The following DNAH8 variants were observed in gnomAD, a reference collection of about 807,000 sequenced individuals.
DNAH8 encodes the protein dynein axonemal heavy chain 8.
In DNAH8, 382 loss-of-function variants were observed where a neutral mutation model predicts 562.1. That is an observed-to-expected ratio of 0.68 (90% CI 0.63 to 0.74). The LOEUF (loss-of-function observed/expected upper bound fraction) is 0.74, where lower values mean the gene tolerates loss of function less well. Ranked by LOEUF, DNAH8 falls within the 30% of genes least tolerant of loss-of-function variation. The pLI is 0.00. For synonymous variants in DNAH8, 1,881 were observed against 1,919.4 expected (o/e 0.98, Z 0.52); for missense variants, 5,203 against 5,620.4 (o/e 0.93, Z 2.37).
chr6:38,972,493 A>G (rs1763412484), intron 83 of DNAH8, among the ~76,000 whole-genome samples: 1 of 152,228 alleles, frequency 6.6e-6, no homozygotes. Flanking sequence ...GCAATTATAC[A>G]TAATTATTTT....
chr6:38,898,138 C>A, intron 60 of DNAH8, 120 bp from the exon 61 acceptor site: 1 of 906,094 alleles, frequency 1.1e-6, no homozygotes, highest in Non-Finnish European at 1.6e-6. Flanking sequence ...TCTGGAAATC[C>A]ATAACGTTTA....
chr6:38,744,936 G>A (rs1425138151), intron 8 of DNAH8, among the ~76,000 whole-genome samples: 1 of 152,060 alleles, frequency 6.6e-6, no homozygotes, highest in Non-Finnish European at 1.5e-5. Flanking sequence ...TTAATCACTC[G>A]TTATATTTGT....
Position 38,906,338 on chromosome 6 carries a change from C to A in DNAH8, c.9279C>A (p.Ile3093=), listed in dbSNP as rs775107491. The change falls in exon 63 of 93, where the codon ATC becomes ATA. Residue 3093 remains isoleucine (I), a synonymous_variant. Transcript: ENST00000327475. The stretch of plus-strand genomic sequence containing the variant: ...CTGATGGAAAAGGCATCACTTTCAT[C>A]TTTACTGACAGTGAAATAAAAGATG... ...AGADGKGITF[I]FTDSEIKDEA... The A allele has an allele frequency of 3.1e-6, 5 of 1,610,102 alleles. No homozygotes were observed. In the South Asian group the frequency reaches 5.5e-5, roughly 18 times the overall value.
At chr6:38,718,076 T>A (rs1397987213) in intron 1 of DNAH8, among the ~76,000 whole-genome samples, 1 of 152,200 alleles carries the variant, frequency 6.6e-6, no homozygotes, top group Non-Finnish European at 1.5e-5. Context: ...ATTCTTTGTA[T>A]CGCTAATGAT....
At chr6:38,919,823 C>A (rs777139453) in intron 70 of DNAH8, among the ~76,000 whole-genome samples, 8 of 152,164 alleles carry the variant, frequency 5.3e-5, no homozygotes, top group Non-Finnish European at 8.8e-5. Flanking sequence ...ACATTCTTAG[C>A]CCTTACATAC....
rs146019920 is a variant in DNAH8, at chr6:38,921,130, C to A, written c.10525-239C>A. Among the ~76,000 whole-genome samples, 278 of 152,214 alleles carry A rather than the reference C, an allele frequency of 1.8e-3. 2 individuals are homozygous for A. Among genetic ancestry groups the A allele is most frequent in the African/African-American group, 6.2e-3 (258 of 41,530 alleles). On this transcript the variant is annotated intron_variant, in intron 70 of 92. Coordinates refer to ENST00000327475, the MANE Select transcript of DNAH8 (RefSeq NM_001206927.2). ...TGGTCTTGAACTGGGCTCAAGTGAT[C>A]CTCAGCCTCTCAAAGTTCTGGGATT...
rs1400597610 is a variant in DNAH8, at chr6:38,873,117, C to T, written c.7449C>T (p.Ser2483=). ...GGATGGGCATGGTCTATATCAGCAG[C>T]TCTGCTCTCAGCTGGAGGCCAATCT... ...VSRMGMVYIS[S]SALSWRPILQ... The change falls in exon 51 of 93, where the codon AGC becomes AGT. Residue 2483 remains serine, a synonymous_variant. Transcript: ENST00000327475. 5.0e-6 allele frequency: 8 copies of T among 1,613,640 alleles called. No homozygotes were observed. The Admixed American group carries it at 1.3e-4, about 27-fold the overall frequency.
chr6:38,864,214 G>C (rs1776867810), intron 45 of DNAH8, among the ~76,000 whole-genome samples, 154 bp downstream of exon 45: 1 of 151,352 alleles, frequency 6.6e-6, no homozygotes, highest in Admixed American at 6.6e-5. Context: ...TTATAACCCA[G>C]ACAGAAGATA....
chr6:38,861,575 T>G (rs1362118056), intron 43 of DNAH8, among the ~76,000 whole-genome samples: 1 of 152,216 alleles, frequency 6.6e-6, no homozygotes, highest in Non-Finnish European at 1.5e-5. Context: ...TTTTTTGTTT[T>G]GAGACAGAGT....
chr6:38,799,268 T>C (rs1770566292), intron 21 of DNAH8, among the ~76,000 whole-genome samples: 1 of 152,088 alleles, frequency 6.6e-6, no homozygotes, highest in African/African-American at 2.4e-5. Context: ...ATGGAGAAAG[T>C]TTCCACCTCT....
At position 38,974,479 on chromosome 6, in the gene DNAH8, A is replaced by G. The variant is rs764772349; in HGVS notation, c.12784A>G (p.Met4262Val). ...CCTTCTGGACATCAGTAATTTACCC[A>G]TGTGGAAGCCGATGCTTTACACAGT... ...QDLLDISNLP[M>V]WKPMLYTVAF... is the part of the protein sequence containing the mutation. Residue 4262 changes from methionine to valine, a missense_variant, in exon 85 of 93, where the codon ATG becomes GTG. Physicochemically the swap from Met to Val is conservative, Grantham distance 21. Transcript: ENST00000327475. The G allele has an allele frequency of 6.2e-7, 1 of 1,613,862 alleles. No homozygotes were observed. Among genetic ancestry groups the G allele is most frequent in the Non-Finnish European group, 8.5e-7 (1 of 1,179,726 alleles).
chr6:38,902,711 A>G (rs936545486), intron 62 of DNAH8, among the ~76,000 whole-genome samples: 2 of 152,216 alleles, frequency 1.3e-5, no homozygotes, highest in African/African-American at 2.4e-5. Context: ...GATACATTTT[A>G]TAACAGCAGA....
intron 42 of DNAH8, among the ~76,000 whole-genome samples, chr6:38,858,273 A>G (rs1189213300): frequency 3.3e-5 from 5 of 152,186 alleles, no homozygotes; most frequent in African/African-American, 1.2e-4. Context: ...AAATGCCACT[A>G]TTTGATAATC....
chr6:38,919,455 T>G (rs1336934797), intron 70 of DNAH8, among the ~76,000 whole-genome samples: 2 of 152,182 alleles, frequency 1.3e-5, no homozygotes, highest in Non-Finnish European at 2.9e-5. Context: ...TTTTTCATTT[T>G]GCACTGGGCC....
At chr6:38,817,766 A>T (rs1187716707) in intron 26 of DNAH8, among the ~76,000 whole-genome samples, 1 of 152,190 alleles carries the variant, frequency 6.6e-6, no homozygotes, top group Non-Finnish European at 1.5e-5. Context: ...GGAAAATCAG[A>T]GGCAAGAAGA....
intron 11 of DNAH8, among the ~76,000 whole-genome samples, chr6:38,768,807 A>C (rs1052127830): frequency 1.3e-5 from 2 of 152,128 alleles, no homozygotes; most frequent in African/African-American, 2.4e-5. Flanking sequence ...CCCAGATTCA[A>C]AACAACTTAT....
At chr6:38,787,326 G>T (rs1769266851) in intron 18 of DNAH8, among the ~76,000 whole-genome samples, 1 of 152,006 alleles carries the variant, frequency 6.6e-6, no homozygotes, top group Non-Finnish European at 1.5e-5. Context: ...TACAAGTAGA[G>T]GTGATTCTCA....
intron 88 of DNAH8, 75 bp from the exon 89 acceptor site, chr6:39,008,739 G>T: frequency 1.0e-5 from 7 of 695,228 alleles, no homozygotes; most frequent in Admixed American, 3.1e-5. Context: ...GATTCTATCA[G>T]TTCATTTTAA....
chr6:38,938,155 G>A lies in DNAH8; in HGVS notation c.11745G>A (p.Met3915Ile), dbSNP rs530683692. Residue 3915 changes from methionine (M) to isoleucine (I), a missense_variant, in exon 78 of 93, where the codon ATG (methionine) becomes ATA (isoleucine). Met to Ile is a conservative substitution (Grantham distance 10). Transcript: ENST00000327475. ...TCCTCTACTTCCTCATCACAGAGAT[G>A]AGCATGGTCAACATCATGTATCAGA... ...GSILYFLITEMSMVNIMYQTS... is the reference protein window; with the variant it reads ...GSILYFLITEISMVNIMYQTS... 4 of 1,614,050 alleles carry A rather than the reference G, an allele frequency of 2.5e-6. No individual in the cohort carries two copies. In the East Asian group the frequency reaches 8.9e-5, roughly 36 times the overall value.
Sources: allele counts gnomAD v4.1 joint callset (sites outside exome capture counted in the v4.1 genomes callset), GRCh38; gene constraint gnomAD v4.1.1; transcripts MANE v1.5; gene names NCBI Gene and HGNC (gene_info 2026-07-23, HGNC 2026-07-21).